ANK2: variants seen among roughly 807,000 people sequenced by gnomAD.
The protein encoded by ANK2 is ankyrin 2, also known as ankyrin-2.
Under a neutral mutation model 360.5 loss-of-function variants are expected in ANK2, and 83 were observed. That is an observed-to-expected ratio of 0.23 (90% CI 0.19 to 0.28). ANK2 has a LOEUF of 0.28. Among genes scored for constraint, ANK2 ranks in the 10% least tolerant of loss-of-function variants. The pLI, the probability that ANK2 is intolerant of heterozygous loss-of-function variation, is 1.00. For missense variants in ANK2, 4,201 were observed against 4,795.7 expected (o/e 0.88, Z 3.66); for synonymous variants, 1,740 against 1,759.5 (o/e 0.99, Z 0.28).
chr4:112,962,955 C>A (rs2035561248), intron 2 of ANK2, among the ~76,000 whole-genome samples: 1 of 152,084 alleles, frequency 6.6e-6, no homozygotes, highest in South Asian at 2.1e-4. Flanking sequence ...TTATTTATAT[C>A]TCAGATTTTT....
the ANK2 span, among the ~76,000 whole-genome samples, chr4:112,711,903 G>A: frequency 1.3e-5 from 2 of 150,074 alleles, no homozygotes; most frequent in African/African-American, 4.9e-5. Flanking sequence ...ACAAACAAAT[G>A]CCTGGGTTCA....
At position 113,235,000 on chromosome 4, in the gene ANK2, T is replaced by G. The variant is rs962616401; in HGVS notation, c.484-1987T>G. Among the ~76,000 whole-genome samples the G allele has an allele frequency of 9.8e-5, 15 of 152,300 alleles. No homozygotes were observed. In the East Asian group the frequency reaches 2.9e-3, roughly 29 times the overall value. ...AGGTTAAATACTAAGAAGGGAGTTCTCAGTCTCTCCAGTACCATTTTTATA... is the reference window on the plus strand; with the variant it reads ...AGGTTAAATACTAAGAAGGGAGTTCGCAGTCTCTCCAGTACCATTTTTATA... On this transcript the variant is annotated intron_variant, in intron 5 of 45. Coordinates refer to ENST00000357077, the MANE Select transcript of ANK2 (RefSeq NM_001148.6).
intron 43 of ANK2, 108 bp from the exon 44 acceptor site, chr4:113,372,982 C>A: frequency 1.0e-6 from 1 of 1,003,528 alleles, no homozygotes; most frequent in Non-Finnish European, 1.6e-6. Context: ...CAATGCTTCT[C>A]AACATCGCCT....
intron 1 of ANK2, among the ~76,000 whole-genome samples, chr4:113,087,166 C>T (rs1011297999): frequency 6.6e-6 from 1 of 151,902 alleles, no homozygotes; most frequent in African/African-American, 2.4e-5. Context: ...ATGATGATGC[C>T]GAAATGGGAT....
At chr4:113,031,509 T>C (rs1160531927) in intron 2 of ANK2, 2 of 152,020 alleles carry the variant, frequency 1.3e-5, no homozygotes, top group Non-Finnish European at 2.9e-5. Context: ...AAAATGAGGT[T>C]TACTCAATCA....
At chr4:113,235,651 T>C (rs1459608612) in intron 5 of ANK2, among the ~76,000 whole-genome samples, 1 of 152,080 alleles carries the variant, frequency 6.6e-6, no homozygotes, top group African/African-American at 2.4e-5. Context: ...GCCAGGCTCA[T>C]GTCGAACTCC....
At chr4:113,151,854 C>G (rs958956982) in intron 1 of ANK2, among the ~76,000 whole-genome samples, 1 of 150,092 alleles carries the variant, frequency 6.7e-6, no homozygotes, top group Non-Finnish European at 1.5e-5. Flanking sequence ...TCACTTAAGC[C>G]CAGGAGTTCA....
At chr4:113,167,605 ACC>A (rs1157881353) in intron 1 of ANK2, among the ~76,000 whole-genome samples, 31 of 152,044 alleles carry the variant, frequency 2.0e-4, no homozygotes, top group Non-Finnish European at 3.5e-4. Context: ...CGGCCAGGTC[ACC>A]ATCTTTTAAA....
At chr4:113,278,427 A>G in intron 16 of ANK2, 33 bp from the exon 17 acceptor site, 1 of 1,598,716 alleles carries the variant, frequency 6.3e-7, no homozygotes, top group Non-Finnish European at 8.6e-7. Flanking sequence ...ACCCTAATTT[A>G]TTAATGCTGA....
intron 1 of ANK2, chr4:113,145,519 T>C (rs935849996): frequency 3.2e-5 from 28 of 881,876 alleles, no homozygotes; most frequent in Non-Finnish European, 3.8e-5. Flanking sequence ...GCTGCTTGCA[T>C]GGTGAAAAAC....
At chr4:113,116,634 G>C (rs2094810676) in intron 1 of ANK2, among the ~76,000 whole-genome samples, 1 of 152,200 alleles carries the variant, frequency 6.6e-6, no homozygotes, top group South Asian at 2.1e-4. Context: ...AGATGAAAAA[G>C]GCAGGAATTC....
At chr4:112,858,937 A>G (rs561553124) in intron 1 of ANK2, among the ~76,000 whole-genome samples, 79 of 152,338 alleles carry the variant, frequency 5.2e-4, no homozygotes, top group Middle Eastern at 3.4e-3. Flanking sequence ...TCTCAATGAA[A>G]CAATGAAAGC....
In ANK2 at chr4:113,343,115, A is replaced by G; in HGVS notation, c.4221A>G (p.Lys1407=). The G allele has an allele frequency of 6.2e-7, 1 of 1,613,830 alleles. No individual in the cohort carries two copies. Among genetic ancestry groups the G allele is most frequent in the Non-Finnish European group, 8.5e-7 (1 of 1,179,776 alleles). The change falls in exon 34 of 46, where the codon AAA becomes AAG. Residue 1407 remains lysine, a synonymous_variant. Coordinates refer to ENST00000357077, the MANE Select transcript of ANK2 (RefSeq NM_001148.6). ...QHHIFSFFAF[K]ENRLPLFVKV... Reference sequence around the variant, plus strand: ...ATATATTCAGTTTTTTTGCCTTCAAAGAAAATAGACTTCCTCTATTTGTCA... The same window carrying G: ...ATATATTCAGTTTTTTTGCCTTCAAGGAAAATAGACTTCCTCTATTTGTCA...
chr4:112,970,221 C>T (rs1458844909), intron 2 of ANK2, among the ~76,000 whole-genome samples: 2 of 151,850 alleles, frequency 1.3e-5, no homozygotes, highest in Non-Finnish European at 2.9e-5. Context: ...CTGCCTGCCT[C>T]GGCCTCCCAA....
At chr4:113,237,567 T>G (rs1263210352) in intron 6 of ANK2, 32 bp from the exon 7 acceptor site, 2 of 1,595,796 alleles carry the variant, frequency 1.3e-6, no homozygotes, top group Admixed American at 3.3e-5. Context: ...GTGTAATATC[T>G]TCCCTCTTTC....
the ANK2 span, among the ~76,000 whole-genome samples, chr4:112,710,156 A>G: frequency 6.6e-6 from 1 of 152,154 alleles, no homozygotes; most frequent in Non-Finnish European, 1.5e-5. Context: ...TGAGCTACAT[A>G]CTCAAGTTCA....
At chr4:112,840,485 G>T (rs951636798) in intron 1 of ANK2, among the ~76,000 whole-genome samples, 37 of 152,262 alleles carry the variant, frequency 2.4e-4, no homozygotes, top group African/African-American at 7.0e-4. Flanking sequence ...GGATCAAGGG[G>T]CAGATTCTGG....
chr4:113,235,925 A>G (rs1443849811), intron 5 of ANK2, among the ~76,000 whole-genome samples: 2 of 148,952 alleles, frequency 1.3e-5, no homozygotes, highest in Non-Finnish European at 3.0e-5. Context: ...TGTTTTTAGT[A>G]GAGACTGGGT....
At chr4:113,242,548 A>C (rs1158512209) in intron 9 of ANK2, among the ~76,000 whole-genome samples, 2 of 152,202 alleles carry the variant, frequency 1.3e-5, no homozygotes, top group Non-Finnish European at 2.9e-5. Flanking sequence ...ACTAATTACC[A>C]TACATTAAGA....
Sources: gnomAD v4.1 joint callset for allele counts (sites outside exome capture counted in the v4.1 genomes callset) on GRCh38, gnomAD v4.1.1 for gene constraint, MANE v1.5 for transcripts, NCBI Gene and HGNC (gene_info 2026-07-23, HGNC 2026-07-21) for gene names.